Variants in VOPP1 observed in about 807,000 individuals in gnomAD.
VOPP1 encodes WW domain binding protein VOPP1.
VOPP1 carries 8 observed loss-of-function variants against 23.5 expected under a neutral mutation model. The observed-to-expected ratio is 0.34, with a 90% CI of 0.20 to 0.61. VOPP1 has a LOEUF of 0.61. Ranked by LOEUF, VOPP1 falls within the 20% of genes least tolerant of loss-of-function variation. VOPP1 has a pLI of 0.78. For synonymous variants in VOPP1, 83 were observed against 97.3 expected (o/e 0.85, Z 0.86); for missense variants, 174 against 238.1 (o/e 0.73, Z 1.77).
At chr7:55,507,828 A>G (rs1337543311) in intron 2 of VOPP1, among the ~76,000 whole-genome samples, 1 of 152,164 alleles carries the variant, frequency 6.6e-6, no homozygotes, top group Non-Finnish European at 1.5e-5. Flanking sequence ...TATTTGGTCA[A>G]CACATCCCAT....
intron 1 of VOPP1, chr7:55,553,723 CCT>C (rs1797704739): frequency 6.6e-6 from 1 of 152,036 alleles, no homozygotes; most frequent in South Asian, 2.1e-4. Context: ...ACCTGGTTCC[CCT>C]GATATCTCTG....
chr7:55,449,952 C>T (rs1049207060), intron 4 of VOPP1, among the ~76,000 whole-genome samples: 4 of 152,214 alleles, frequency 2.6e-5, no homozygotes, highest in Non-Finnish European at 4.4e-5. Context: ...ACCCTTGAGG[C>T]GTAGCACCCA....
chr7:55,441,853 C>T (rs1199866629), intron 4 of VOPP1, among the ~76,000 whole-genome samples: 2 of 152,326 alleles, frequency 1.3e-5, no homozygotes, highest in African/African-American at 2.4e-5. Flanking sequence ...ACATGCCTCA[C>T]ACATGGCTGG....
chr7:55,514,776 C>T (rs1332552301), intron 2 of VOPP1, among the ~76,000 whole-genome samples: 1 of 152,230 alleles, frequency 6.6e-6, no homozygotes, highest in East Asian at 1.9e-4. Context: ...CCACAAATGT[C>T]AGCCATTGCA....
chr7:55,540,398 A>AAAATAAAT (rs200219554), intron 1 of VOPP1, among the ~76,000 whole-genome samples: 10,880 of 141,702 alleles, frequency 0.077, 462 homozygotes, highest in African/African-American at 0.091. Flanking sequence ...CTCTGTCTCA[A>AAAATAAAT]AAATAAATAA....
At chr7:55,445,238 C>T (rs1006185514) in intron 4 of VOPP1, among the ~76,000 whole-genome samples, 1 of 139,028 alleles carries the variant, frequency 7.2e-6, no homozygotes, top group Admixed American at 8.0e-5. Flanking sequence ...CAGACACACA[C>T]ACACAGACAC....
At chr7:55,538,403 TTGAAA>T (rs1796934718) in intron 1 of VOPP1, among the ~76,000 whole-genome samples, 1 of 152,206 alleles carries the variant, frequency 6.6e-6, no homozygotes, top group Non-Finnish European at 1.5e-5. Context: ...AGACTTATTC[TTGAAA>T]TGAACAATGT....
chr7:55,561,090 G>A (rs1178255180), intron 1 of VOPP1, among the ~76,000 whole-genome samples: 1 of 152,106 alleles, frequency 6.6e-6, no homozygotes, highest in Non-Finnish European at 1.5e-5. Context: ...GCTCTGAGAT[G>A]CACATGCACA....
At position 55,470,965 on chromosome 7, in the gene VOPP1, C is replaced by T. The variant is rs192022943; in HGVS notation, c.*1890G>A. ...GAATACAAAATTGTTGAGCCCTAGCCATCACTGTCTCTTAACATAATTTGC... is the reference window on the plus strand; with the variant it reads ...GAATACAAAATTGTTGAGCCCTAGCTATCACTGTCTCTTAACATAATTTGC... On this transcript the variant is annotated 3_prime_UTR_variant, in exon 5 of 5. Coordinates refer to ENST00000285279, the MANE Select transcript of VOPP1 (RefSeq NM_030796.5). 2.0e-4 allele frequency: 30 copies of T among 152,692 alleles called. No individual in the cohort carries two copies. Among genetic ancestry groups the T allele is most frequent in the Admixed American group, 1.8e-3 (27 of 15,312 alleles). The allele number at this position is 152,692 out of a possible 1,614,324, so 9.5% of individuals were successfully genotyped here. A position where few individuals can be genotyped will look rare whatever the true frequency, so the allele number is the denominator to read the frequency against.
intron 1 of VOPP1, among the ~76,000 whole-genome samples, chr7:55,555,597 A>G (rs1258470981): frequency 6.6e-6 from 1 of 152,142 alleles, no homozygotes; most frequent in Non-Finnish European, 1.5e-5. Context: ...GGTCCAGGGT[A>G]TTGTTCTAAG....
At chr7:55,537,002 T>A (rs1369544003) in intron 1 of VOPP1, among the ~76,000 whole-genome samples, 1 of 152,060 alleles carries the variant, frequency 6.6e-6, no homozygotes, top group Non-Finnish European at 1.5e-5. Context: ...AGACTTCAAG[T>A]CATGTCTGAG....
At chr7:55,538,467 A>G (rs777935899) in intron 1 of VOPP1, 7 of 620,624 alleles carry the variant, frequency 1.1e-5, no homozygotes, top group Non-Finnish European at 1.9e-5. Context: ...AAATCTAAAC[A>G]CAAGCCCTTC....
chr7:55,518,852 T>G (rs1795647372), intron 2 of VOPP1, among the ~76,000 whole-genome samples: 1 of 152,192 alleles, frequency 6.6e-6, no homozygotes, highest in Non-Finnish European at 1.5e-5. Context: ...CATGGAAATT[T>G]ACAAAGACGT....
At chr7:55,492,858 T>C (rs1793680706) in intron 3 of VOPP1, 1 of 154,064 alleles carries the variant, frequency 6.5e-6, no homozygotes, top group South Asian at 2.0e-4. Context: ...CATTCTTCAC[T>C]GTCAAAGCAC....
intron 1 of VOPP1, among the ~76,000 whole-genome samples, chr7:55,537,152 C>T (rs1406994052): frequency 6.6e-6 from 1 of 152,188 alleles, no homozygotes; most frequent in Non-Finnish European, 1.5e-5. Context: ...GCGTGGAAGG[C>T]TCTGCCCCTC....
At chr7:55,469,079 C>T (rs914161714), downstream of VOPP1, among the ~76,000 whole-genome samples, 2 of 152,024 alleles carry the variant, frequency 1.3e-5, no homozygotes, top group Non-Finnish European at 2.9e-5. Context: ...TGAGTGTTCA[C>T]GGTAATTTTT....
At chr7:55,564,310 A>G (rs1206697631) in intron 1 of VOPP1, among the ~76,000 whole-genome samples, 2 of 145,648 alleles carry the variant, frequency 1.4e-5, no homozygotes, top group Non-Finnish European at 3.0e-5. Flanking sequence ...CCCACTCCCC[A>G]TAAGGGTTTA....
chr7:55,553,730 T>C (rs1216280570), intron 1 of VOPP1: 1 of 150,474 alleles, frequency 6.6e-6, no homozygotes, highest in Non-Finnish European at 1.5e-5. Flanking sequence ...TCCCCTGATA[T>C]CTCTGTGCTC....
At chr7:55,457,585 G>A (rs1227827595) in intron 4 of VOPP1, among the ~76,000 whole-genome samples, 1 of 151,762 alleles carries the variant, frequency 6.6e-6, no homozygotes, top group Non-Finnish European at 1.5e-5. Flanking sequence ...CCAACAGTGT[G>A]TAAGAGTTCC....
Sources: allele counts gnomAD v4.1 joint callset (sites outside exome capture counted in the v4.1 genomes callset), GRCh38; gene constraint gnomAD v4.1.1; transcripts MANE v1.5; gene names NCBI Gene and HGNC (gene_info 2026-07-23, HGNC 2026-07-21).